The following MYT1L variants were observed in gnomAD, a reference collection of about 807,000 sequenced individuals.
MYT1L encodes the protein myelin transcription factor 1-like protein.
MYT1L carries 12 observed loss-of-function variants against 126.7 expected under a neutral mutation model. The ratio of observed to expected loss-of-function variants is 0.09; its 90% CI spans 0.06 to 0.15. The LOEUF is 0.15. Among genes scored for constraint, MYT1L ranks in the 10% least tolerant of loss-of-function variants. The pLI, the probability that MYT1L is intolerant of heterozygous loss-of-function variation, is 1.00. For missense variants in MYT1L, 979 were observed against 1,585.2 expected (o/e 0.62, Z 6.49); for synonymous variants, 541 against 604.2 (o/e 0.90, Z 1.53).
chr2:2,082,579 A>C (rs868174534), intron 3 of MYT1L, among the ~76,000 whole-genome samples: 12 of 152,174 alleles, frequency 7.9e-5, no homozygotes, highest in African/African-American at 2.2e-4. Context: ...CATTTATAAT[A>C]ATAGAATCAT....
intron 3 of MYT1L, among the ~76,000 whole-genome samples, chr2:2,159,092 T>G (rs917161362): frequency 1.3e-5 from 2 of 152,016 alleles, no homozygotes; most frequent in Non-Finnish European, 1.5e-5. Flanking sequence ...AATCCGCAGG[T>G]TGCTGTAGCA....
intron 18 of MYT1L, among the ~76,000 whole-genome samples, chr2:1,863,020 G>C (rs1010010049): frequency 2.0e-5 from 3 of 152,216 alleles, no homozygotes; most frequent in Non-Finnish European, 4.4e-5. Context: ...CAGGAGGCCA[G>C]GGATACAGGG....
intron 9 of MYT1L, among the ~76,000 whole-genome samples, chr2:1,941,098 AT>A (rs1361751516): frequency 6.6e-6 from 1 of 152,234 alleles, no homozygotes; most frequent in Non-Finnish European, 1.5e-5. Context: ...AGCTATTTCA[AT>A]AAGGCTTCTG....
At chr2:2,275,470 A>G (rs1348491377) in intron 2 of MYT1L, among the ~76,000 whole-genome samples, 1 of 152,134 alleles carries the variant, frequency 6.6e-6, no homozygotes, top group Non-Finnish European at 1.5e-5. Context: ...GCTGAGCCCC[A>G]GTGCCCCCAG....
intron 4 of MYT1L, among the ~76,000 whole-genome samples, chr2:2,005,079 C>A (rs1475140760): frequency 6.6e-6 from 1 of 151,150 alleles, no homozygotes; most frequent in Non-Finnish European, 1.5e-5. Flanking sequence ...TGCGTTCTTT[C>A]CTGCAGGCGT....
chr2:1,994,880 T>G (rs2061707248), intron 5 of MYT1L, among the ~76,000 whole-genome samples: 1 of 152,222 alleles, frequency 6.6e-6, no homozygotes, highest in Non-Finnish European at 1.5e-5. Flanking sequence ...TCTTTTTAAT[T>G]TTTTTAAATT....
At chr2:1,841,614 G>C (rs922017997) in intron 19 of MYT1L, 2 of 152,386 alleles carry the variant, frequency 1.3e-5, no homozygotes, top group African/African-American at 4.8e-5. Flanking sequence ...TCCACCGGGA[G>C]GGAGCAGAAG....
chr2:1,900,637 T>G (rs2148940136), intron 14 of MYT1L, among the ~76,000 whole-genome samples: 1 of 152,246 alleles, frequency 6.6e-6, no homozygotes, highest in Admixed American at 6.5e-5. Context: ...TCTAGTGAAA[T>G]GGAAGCAGAG....
At chr2:2,085,311 G>C (rs1187808302) in intron 3 of MYT1L, among the ~76,000 whole-genome samples, 2 of 152,120 alleles carry the variant, frequency 1.3e-5, no homozygotes, top group Admixed American at 6.5e-5. Flanking sequence ...CACTGTCTAA[G>C]CAGTTGAGTA....
chr2:2,311,648 C>T (rs534969970), intron 1 of MYT1L, among the ~76,000 whole-genome samples: 1 of 152,140 alleles, frequency 6.6e-6, no homozygotes, highest in African/African-American at 2.4e-5. Flanking sequence ...GTCCTCCCCC[C>T]ATCTCTCTTC....
chr2:2,026,698 C>T (rs992562003), intron 4 of MYT1L, among the ~76,000 whole-genome samples: 5 of 152,198 alleles, frequency 3.3e-5, no homozygotes, highest in Admixed American at 2.6e-4. Flanking sequence ...CCCCGAGGCC[C>T]GGGAGGTACA....
intron 1 of MYT1L, among the ~76,000 whole-genome samples, chr2:2,313,861 C>G (rs952622363): frequency 1.3e-5 from 2 of 152,096 alleles, no homozygotes; most frequent in East Asian, 1.9e-4. Context: ...TCGATACATA[C>G]GTTTATAAAT....
At chr2:2,168,138 T>A (rs2089465096) in intron 3 of MYT1L, among the ~76,000 whole-genome samples, 1 of 152,184 alleles carries the variant, frequency 6.6e-6, no homozygotes, top group East Asian at 1.9e-4. Flanking sequence ...TGTAGACCTA[T>A]GAGGCACATG....
intron 2 of MYT1L, among the ~76,000 whole-genome samples, chr2:2,217,706 C>CAAAAA (rs35934436): frequency 1.1e-5 from 1 of 91,164 alleles, no homozygotes; most frequent in South Asian, 4.0e-4. Flanking sequence ...ACAACAACAA[C>CAAAAA]AAAAAAAAAA....
intron 3 of MYT1L, among the ~76,000 whole-genome samples, chr2:2,159,607 C>T (rs756785543): frequency 3.9e-5 from 6 of 151,986 alleles, no homozygotes; most frequent in South Asian, 2.1e-4. Flanking sequence ...AGGAGGTGGC[C>T]GATGCCAGCC....
At chr2:1,842,943 AGGCGCTTCCGCTTCCAGGC>A (rs1558727814) in intron 19 of MYT1L, 3 of 168,010 alleles carry the variant, frequency 1.8e-5, no homozygotes, top group Non-Finnish European at 3.7e-5. Context: ...TTCCGCTTCC[AGGCGCTTCCGCTTCCAGGC>A]GCGCGGTGCT....
intron 2 of MYT1L, among the ~76,000 whole-genome samples, chr2:2,282,223 A>G (rs925382720): frequency 5.3e-5 from 8 of 152,234 alleles, no homozygotes; most frequent in African/African-American, 1.9e-4. Flanking sequence ...CCACTGCCTC[A>G]CACAGTGTAT....
intron 3 of MYT1L, among the ~76,000 whole-genome samples, chr2:2,162,715 T>C (rs1028431181): frequency 3.9e-5 from 6 of 152,236 alleles, no homozygotes; most frequent in Admixed American, 1.3e-4. Flanking sequence ...CATTAAGTTG[T>C]GACATGAGCA....
intron 3 of MYT1L, among the ~76,000 whole-genome samples, chr2:2,170,910 GAAGA>G (rs772221778): frequency 7.9e-5 from 12 of 152,206 alleles, no homozygotes; most frequent in Non-Finnish European, 1.6e-4. Flanking sequence ...AGGACTGAAT[GAAGA>G]GAGTGAGGAC....
Sources: gnomAD v4.1 joint callset for allele counts (sites outside exome capture counted in the v4.1 genomes callset) on GRCh38, gnomAD v4.1.1 for gene constraint, MANE v1.5 for transcripts, NCBI Gene and HGNC (gene_info 2026-07-23, HGNC 2026-07-21) for gene names.